CD163: variants seen among roughly 807,000 people sequenced by gnomAD.
The protein encoded by CD163 is CD163 molecule.
In CD163, 64 loss-of-function variants were observed where a neutral mutation model predicts 129.2. The ratio of observed to expected loss-of-function variants is 0.50; its 90% CI spans 0.41 to 0.61. The LOEUF (loss-of-function observed/expected upper bound fraction) is 0.61. CD163 is among the 20% of genes least tolerant of loss of function. CD163 has a pLI of 0.00. For missense variants in CD163, 1,061 were observed against 1,377.9 expected (o/e 0.77, Z 3.64); for synonymous variants, 446 against 478.5 (o/e 0.93, Z 0.89).
chr12:7,483,775 ACT>A, intron 11 of CD163, 100 bp from the exon 12 acceptor site: 11 of 503,086 alleles, frequency 2.2e-5, no homozygotes, highest in Non-Finnish European at 3.4e-5. Context: ...AAAAAAAAAA[ACT>A]ATTTAAAATT....
At position 7,485,716 on chromosome 12, in the gene CD163, AT is replaced by A. The variant is rs1164343299; in HGVS notation, c.2459-301del. Among the ~76,000 whole-genome samples, 1 of 152,114 alleles carries A rather than the reference AT, an allele frequency of 6.6e-6. No individual in the cohort carries two copies. Among genetic ancestry groups the A allele is most frequent in the Admixed American group, 6.5e-5 (1 of 15,268 alleles). ...ACATAGTTTGGATTTTTTCCCAAAA[AT>A]ATTCTCCTTTTTTTGCAACTGTCTT... On this transcript the variant is annotated intron_variant, in intron 10 of 16. Transcript: ENST00000432237. This position sits in a 1 kb window ranked among gnomAD's most constrained non-coding sequence, Gnocchi z 4.5.
At chr12:7,497,620 AG>A (rs1949420516) in intron 4 of CD163, among the ~76,000 whole-genome samples, 1 of 152,204 alleles carries the variant, frequency 6.6e-6, no homozygotes, top group African/African-American at 2.4e-5. Context: ...GCAAAGAGAA[AG>A]GAGGCTTCAG....
At chr12:7,477,000 T>C (rs958198639) in intron 16 of CD163, among the ~76,000 whole-genome samples, 4 of 152,284 alleles carry the variant, frequency 2.6e-5, no homozygotes, top group East Asian at 1.9e-4. Context: ...CTCATCATCA[T>C]TGGTCATCTG....
intron 4 of CD163, among the ~76,000 whole-genome samples, chr12:7,498,123 T>TTACA (rs1200562329): frequency 5.7e-5 from 8 of 141,388 alleles, no homozygotes; most frequent in Admixed American, 2.1e-4. Flanking sequence ...GTTCCTTTAT[T>TTACA]TACACACACA....
At chr12:7,477,063 G>A (rs1949097999) in intron 16 of CD163, among the ~76,000 whole-genome samples, 1 of 152,214 alleles carries the variant, frequency 6.6e-6, no homozygotes, top group South Asian at 2.1e-4. Flanking sequence ...AGTTAGAATG[G>A]TGATCATTAA....
intron 6 of CD163, among the ~76,000 whole-genome samples, chr12:7,494,289 A>G (rs1463854445): frequency 1.3e-5 from 2 of 152,224 alleles, no homozygotes; most frequent in African/African-American, 4.8e-5. Flanking sequence ...TCAAATTTAT[A>G]TCTTAAATGA....
At chr12:7,499,590 A>C (rs1366330547) in intron 3 of CD163, among the ~76,000 whole-genome samples, 1 of 152,222 alleles carries the variant, frequency 6.6e-6, no homozygotes, top group African/African-American at 2.4e-5. Flanking sequence ...GGTAGTTATA[A>C]AACAACAGAA....
chr12:7,502,682 T>A (rs11836971), intron 1 of CD163, 118 bp from the exon 2 acceptor site: 439,980 of 679,526 alleles, frequency 0.65, 151,534 homozygotes, highest in Non-Finnish European at 0.73. Flanking sequence ...AAACTCTTCA[T>A]TCTAAATTGC....
intron 15 of CD163, chr12:7,480,850 AT>A (rs2136693987): frequency 2.0e-6 from 2 of 1,005,056 alleles, no homozygotes; most frequent in African/African-American, 1.7e-5. Flanking sequence ...ACTGTCACTT[AT>A]GACAATCTTT....
rs1172091120 is a variant in CD163, at chr12:7,482,859, C to T, written c.3128-97G>A. 10 of 1,582,142 alleles carry T rather than the reference C, an allele frequency of 6.3e-6. No individual in the cohort carries two copies. The East Asian group carries it at 1.8e-4, about 28-fold the overall frequency. ...CTCTCTTAGGTCAAATACTTGATCCCTGAGGTAAATATCAAATCCTCAGAA... is the reference window on the plus strand; with the variant it reads ...CTCTCTTAGGTCAAATACTTGATCCTTGAGGTAAATATCAAATCCTCAGAA... On this transcript the variant is annotated intron_variant, in intron 13 of 16. Transcript: ENST00000432237.
In CD163 at chr12:7,485,915, C is replaced by G. The variant is rs895114212; in HGVS notation, c.2459-499G>C. On this transcript the variant is annotated intron_variant, in intron 10 of 16. Transcript: ENST00000432237. This position sits in a 1 kb window ranked among gnomAD's most constrained non-coding sequence, Gnocchi z 4.5. ...TCTGAGATACAGAGTTTTTCACTTC[C>G]TTAAGTTACTGAATCATAGTTCTGT... is the stretch of plus-strand genomic sequence containing the variant. Among the ~76,000 whole-genome samples, 2 of 152,130 alleles carry G rather than the reference C, an allele frequency of 1.3e-5. No homozygotes were observed. The highest frequency in any genetic ancestry group is 6.5e-5 in the Admixed American group (1 of 15,278).
chr12:7,480,070 C>A (rs924731527), intron 15 of CD163, 157 bp from the exon 16 acceptor site: 8 of 1,368,212 alleles, frequency 5.8e-6, no homozygotes, highest in Admixed American at 2.3e-5. Context: ...CTTTGAGCAA[C>A]TAAAAACACC....
At position 7,496,690 on chromosome 12, in the gene CD163, A is replaced by G; in HGVS notation, c.1099+123T>C. The stretch of plus-strand genomic sequence containing the variant: ...TTACAGGTATAAAGGAATTCCCAGC[A>G]AGGAATTTACTAGGCATTTCTACTT... On this transcript the variant is annotated intron_variant, in intron 5 of 16. Transcript: ENST00000432237. The surrounding 1 kb of genome is among the most constrained non-coding windows in gnomAD (Gnocchi z 4.8). 4 of 761,556 alleles carry G rather than the reference A, an allele frequency of 5.3e-6. No homozygotes were observed. Among genetic ancestry groups the G allele is most frequent in the Non-Finnish European group, 8.7e-6 (4 of 457,286 alleles). The allele number at this position is 761,556 out of a possible 1,614,324, so 47.2% of individuals were successfully genotyped here. A position where few individuals can be genotyped will look rare whatever the true frequency, so the allele number is the denominator to read the frequency against.
Position 7,497,062 on chromosome 12 carries a change from G to A in CD163, c.850C>T (p.Gln284Ter). ...ECSGRLEVRF[Q>*]GEWGTICDDG... ...TCACATATTGTCCCCCATTCTCCTT[G>A]GAATCTCACTTCTAATCTTCCTGAA... The change falls in exon 5 of 17, where the codon CAA becomes TAA. Residue 284 changes from glutamine (Q) to a stop codon, truncating the protein, a stop_gained. Transcript: ENST00000432237. LOFTEE classifies it high-confidence loss of function. 3.1e-6 allele frequency: 5 copies of A among 1,613,932 alleles called. No individual in the cohort carries two copies. Among genetic ancestry groups the A allele is most frequent in the Non-Finnish European group, 4.2e-6 (5 of 1,179,930 alleles).
At position 7,482,659 on chromosome 12, in the gene CD163, CTG is replaced by C; in HGVS notation, c.3229_3230del (p.Gln1077GlufsTer30). ...GGCTCAAACCTGCAAGCCGCTGTCT[CTG>C]TCTTCGCTTTTTAGTCAAGAAGAAT... ...ALFFLTKKRR[Q>X]RQRLAVSSRG... On this transcript the variant is annotated frameshift_variant, in exon 14 of 17. Transcript: ENST00000432237. LOFTEE classifies it high-confidence loss of function. The C allele has an allele frequency of 6.2e-7, 1 of 1,614,152 alleles. No individual in the cohort carries two copies. The highest frequency in any genetic ancestry group is 8.5e-7 in the Non-Finnish European group (1 of 1,180,002).
chr12:7,473,811 G>A (rs915905262), intron 16 of CD163, among the ~76,000 whole-genome samples: 9 of 152,032 alleles, frequency 5.9e-5, no homozygotes, highest in African/African-American at 1.4e-4. Context: ...ATCCATCGGC[G>A]TGCTGTATTC....
Position 7,487,720 on chromosome 12 carries a change from C to T in CD163, c.1736-47G>A. On this transcript the variant is annotated intron_variant, in intron 7 of 16. Coordinates refer to ENST00000432237, the MANE Select transcript of CD163 (RefSeq NM_203416.4). This position sits in a 1 kb window ranked among gnomAD's most constrained non-coding sequence, Gnocchi z 5.1. ...GAAAAAGACAGCTATGACTCCCTAA[C>T]CCTGTCCCTTTCACAGTATGAGAAC... 3.1e-6 allele frequency: 5 copies of T among 1,614,100 alleles called. No individual in the cohort carries two copies. The highest frequency in any genetic ancestry group is 4.2e-6 in the Non-Finnish European group (5 of 1,180,018).
chr12:7,483,686 A>G lies in CD163; in HGVS notation c.2780-11T>C, dbSNP rs1399448492. 2 of 1,594,644 alleles carry G rather than the reference A, an allele frequency of 1.3e-6. No individual in the cohort carries two copies. Among genetic ancestry groups the G allele is most frequent in the Non-Finnish European group, 1.7e-6 (2 of 1,167,866 alleles). On this transcript the variant is annotated splice_polypyrimidine_tract_variant and intron_variant, in intron 11 of 16. Coordinates refer to ENST00000432237, the MANE Select transcript of CD163 (RefSeq NM_203416.4). ...GAAGTCTTATCTTGTCTGAAAAATC[A>G]GAGACATGTAGCCTATTTCTAAGAC...
chr12:7,474,341 C>A (rs1949054986), intron 16 of CD163, among the ~76,000 whole-genome samples: 1 of 152,128 alleles, frequency 6.6e-6, no homozygotes, highest in African/African-American at 2.4e-5. Flanking sequence ...TAAAACACTC[C>A]TCAGCAAATG....
Sources: allele counts gnomAD v4.1 joint callset (sites outside exome capture counted in the v4.1 genomes callset), GRCh38; gene constraint gnomAD v4.1.1; non-coding constraint Gnocchi (gnomAD v3.1); transcripts MANE v1.5; gene names NCBI Gene and HGNC (gene_info 2026-07-23, HGNC 2026-07-21).